The following PLB1 variants were observed in gnomAD, a reference collection of about 807,000 sequenced individuals.
The protein encoded by PLB1 is phospholipase B1.
In PLB1, 242 loss-of-function variants were observed where a neutral mutation model predicts 227.4. The observed-to-expected ratio is 1.06, with a 90% CI of 0.96 to 1.18. The LOEUF (loss-of-function observed/expected upper bound fraction) is 1.18, where lower values mean the gene tolerates loss of function less well. Ranked by LOEUF, PLB1 falls within the 50% of genes most tolerant of loss-of-function variation. PLB1 has a pLI of 0.00. For synonymous variants in PLB1, 757 were observed against 682.2 expected (o/e 1.11, Z -1.71); for missense variants, 1,858 against 1,816.3 (o/e 1.02, Z -0.42).
chr2:28,558,705 ATGTGTG>A (rs3041213), intron 17 of PLB1, among the ~76,000 whole-genome samples: 3 of 150,160 alleles, frequency 2.0e-5, no homozygotes, highest in South Asian at 2.1e-4. Flanking sequence ...GTGTGTGTGT[ATGTGTG>A]TGTGTGTGTG....
intron 35 of PLB1, among the ~76,000 whole-genome samples, chr2:28,600,582 G>A (rs150246616): frequency 6.6e-6 from 1 of 152,322 alleles, no homozygotes; most frequent in African/African-American, 2.4e-5. Context: ...ATAATTGGCA[G>A]TACTTTGACT....
At chr2:28,625,702 A>G (rs867623321) in intron 50 of PLB1, among the ~76,000 whole-genome samples, 3 of 152,046 alleles carry the variant, frequency 2.0e-5, no homozygotes, top group Non-Finnish European at 4.4e-5. Flanking sequence ...GGGGCAGCTT[A>G]GGGCCTTTGC....
At position 28,602,902 on chromosome 2, in the gene PLB1, T is replaced by A. The variant is rs1026526000; in HGVS notation, c.2755T>A (p.Cys919Ser). 6 of 1,614,174 alleles carry A rather than the reference T, an allele frequency of 3.7e-6. No homozygotes were observed. The highest frequency in any genetic ancestry group is 4.2e-6 in the Non-Finnish European group (5 of 1,180,000). The change falls in exon 39 of 58, where the codon TGC (cysteine) becomes AGC (serine). Residue 919 changes from cysteine (C) to serine (S), a missense_variant. By Grantham distance (112) the Cys-to-Ser change is moderately radical (BLOSUM62 -1). Transcript: ENST00000327757. ...RQVFLGNPDK[C>S]PVQQASVLCN... ...GGTGTTCCTGGGAAACCCAGACAAG[T>A]GCCCAGTGCAGCAGGCCAGGTAGGC... is the stretch of plus-strand genomic sequence containing the variant.
At chr2:28,545,794 T>C (rs949318381) in intron 14 of PLB1, among the ~76,000 whole-genome samples, 1 of 152,170 alleles carries the variant, frequency 6.6e-6, no homozygotes, top group Middle Eastern at 3.4e-3. Context: ...CTGTTCTGTG[T>C]CTACCCTCGC....
At position 28,562,540 on chromosome 2, in the gene PLB1, C is replaced by CAAAAAAAAAAAAAAAAAAAAAAA. The variant is rs60393903; in HGVS notation, c.1148-482_1148-481insAAAAAAAAAAAAAAAAAAAAAAA. ...CTGGAGACAGAGCAAGACTCTGTCTCAAAAAAAAAAAAAAAAAAAGTCAGT... is the reference window on the plus strand; with the variant it reads ...CTGGAGACAGAGCAAGACTCTGTCTCAAAAAAAAAAAAAAAAAAAAAAAAAAAAAAAAAAAAAAAAAAGTCAGT... On this transcript the variant is annotated intron_variant, in intron 17 of 57. Transcript: ENST00000327757. Among the ~76,000 whole-genome samples the CAAAAAAAAAAAAAAAAAAAAAAA allele has an allele frequency of 3.5e-4, 15 of 42,604 alleles. 2 individuals are homozygous for CAAAAAAAAAAAAAAAAAAAAAAA. Among genetic ancestry groups the CAAAAAAAAAAAAAAAAAAAAAAA allele is most frequent in the African/African-American group, 7.8e-4 (7 of 9,014 alleles). 27.9% of individuals were successfully genotyped at this position (42,604 alleles called of 152,430 possible). A position where few individuals can be genotyped will look rare whatever the true frequency, so the allele number is the denominator to read the frequency against.
chr2:28,613,347 T>C (rs1327787320), intron 43 of PLB1, among the ~76,000 whole-genome samples: 1 of 152,228 alleles, frequency 6.6e-6, no homozygotes, highest in East Asian at 1.9e-4. Context: ...CTGATCTCAG[T>C]CTTATCAACT....
chr2:28,629,433 G>T (rs762302371), intron 53 of PLB1, among the ~76,000 whole-genome samples: 5 of 152,176 alleles, frequency 3.3e-5, no homozygotes, highest in Non-Finnish European at 7.3e-5. Flanking sequence ...GATCCTTAAG[G>T]CTCCCTGACA....
chr2:28,522,676 G>T (rs969387461), intron 4 of PLB1, among the ~76,000 whole-genome samples: 1 of 152,152 alleles, frequency 6.6e-6, no homozygotes, highest in Non-Finnish European at 1.5e-5. Context: ...AGAGCTCTTT[G>T]TCCATGAATT....
intron 21 of PLB1, among the ~76,000 whole-genome samples, chr2:28,574,384 CTTT>C (rs70956023): frequency 2.7e-5 from 2 of 73,964 alleles, no homozygotes; most frequent in Non-Finnish European, 2.4e-5. Context: ...TTATATCATT[CTTT>C]TTTTTTTTTT....
chr2:28,601,188 C>T (rs1683814020), intron 36 of PLB1, 64 bp from the exon 37 acceptor site: 4 of 1,372,958 alleles, frequency 2.9e-6, no homozygotes, highest in Non-Finnish European at 4.1e-6. Context: ...AATGGATTTC[C>T]TAGGGCAGGG....
chr2:28,603,833 C>T (rs1448471137), intron 39 of PLB1, 133 bp from the exon 40 acceptor site: 1 of 767,954 alleles, frequency 1.3e-6, no homozygotes, highest in South Asian at 1.6e-5. Context: ...TGCGCCAGAG[C>T]CTCAAGGCTT....
chr2:28,600,185 C>T (rs1573330499), intron 35 of PLB1, among the ~76,000 whole-genome samples: 1 of 152,338 alleles, frequency 6.6e-6, no homozygotes, highest in African/African-American at 2.4e-5. Context: ...GCTGGGATTA[C>T]AGGCGTGAGC....
At chr2:28,498,950 T>C (rs1278935911) in intron 1 of PLB1, among the ~76,000 whole-genome samples, 1 of 152,176 alleles carries the variant, frequency 6.6e-6, no homozygotes, top group East Asian at 1.9e-4. Flanking sequence ...ATAGACATCT[T>C]TACAATATTG....
chr2:28,625,980 C>G (rs1042618907), intron 50 of PLB1, among the ~76,000 whole-genome samples: 6 of 150,386 alleles, frequency 4.0e-5, no homozygotes, highest in Admixed American at 1.3e-4. Flanking sequence ...GGCTGGGAAG[C>G]CCCACTTTGT....
At chr2:28,566,860 G>C in intron 20 of PLB1, 21 bp downstream of exon 20, 1 of 1,613,842 alleles carries the variant, frequency 6.2e-7, no homozygotes, top group Non-Finnish European at 8.5e-7. Flanking sequence ...GGCGGCGGCC[G>C]GGATGTTTGG....
At chr2:28,545,851 A>G (rs1300663370) in intron 14 of PLB1, among the ~76,000 whole-genome samples, 1 of 152,118 alleles carries the variant, frequency 6.6e-6, no homozygotes, top group African/African-American at 2.4e-5. Flanking sequence ...TGGGGAGCAG[A>G]GAGGGACTGG....
At chr2:28,533,676 G>T (rs377549538) in intron 9 of PLB1, among the ~76,000 whole-genome samples, 1 of 152,272 alleles carries the variant, frequency 6.6e-6, no homozygotes, top group East Asian at 1.9e-4. Flanking sequence ...TATTGTATTT[G>T]TGATCAGTTT....
intron 1 of PLB1, among the ~76,000 whole-genome samples, chr2:28,512,477 C>G (rs1184583927): frequency 6.6e-6 from 1 of 152,114 alleles, no homozygotes; most frequent in Non-Finnish European, 1.5e-5. Context: ...TCATCTGGGA[C>G]TGGTGTTTCA....
chr2:28,528,729 G>A (rs1670605107), intron 6 of PLB1, among the ~76,000 whole-genome samples: 1 of 152,106 alleles, frequency 6.6e-6, no homozygotes, highest in African/African-American at 2.4e-5. Context: ...GTGAGATAAC[G>A]CATGTAAAGC....
Sources: gnomAD v4.1 joint callset for allele counts (sites outside exome capture counted in the v4.1 genomes callset) on GRCh38, gnomAD v4.1.1 for gene constraint, MANE v1.5 for transcripts, NCBI Gene and HGNC (gene_info 2026-07-23, HGNC 2026-07-21) for gene names.